Variants in DYM observed in about 807,000 individuals in gnomAD.
DYM encodes the protein dyggve-Melchior-Clausen syndrome protein.
DYM carries 78 observed loss-of-function variants against 93.1 expected under a neutral mutation model. The ratio of observed to expected loss-of-function variants is 0.84; its 90% CI spans 0.70 to 1.01. The LOEUF (loss-of-function observed/expected upper bound fraction) is 1.01, where lower values mean the gene tolerates loss of function less well. Ranked by LOEUF, DYM falls within the 50% of genes least tolerant of loss-of-function variation. The pLI, the probability that DYM is intolerant of heterozygous loss-of-function variation, is 0.00. For missense variants in DYM, 789 were observed against 845.0 expected (o/e 0.93, Z 0.82); for synonymous variants, 321 against 319.7 (o/e 1.00, Z -0.04).
chr18:49,254,799 T>C (rs1168523795), intron 13 of DYM, among the ~76,000 whole-genome samples: 11 of 152,188 alleles, frequency 7.2e-5, no homozygotes. Context: ...CATGAAACCA[T>C]TATAAAACTG....
intron 16 of DYM, among the ~76,000 whole-genome samples, chr18:49,098,623 TTCTTTC>T (rs1285470689): frequency 6.6e-6 from 1 of 152,204 alleles, no homozygotes; most frequent in Non-Finnish European, 1.5e-5. Flanking sequence ...GATAAACCAT[TTCTTTC>T]TCAAGCAGTT....
At chr18:49,123,599 G>A (rs1347891700) in intron 15 of DYM, among the ~76,000 whole-genome samples, 1 of 152,200 alleles carries the variant, frequency 6.6e-6, no homozygotes, top group Admixed American at 6.5e-5. Flanking sequence ...CAGCTCAGCA[G>A]GCTCACTGTT....
intron 8 of DYM, among the ~76,000 whole-genome samples, chr18:49,307,688 T>C (rs947558597): frequency 6.6e-6 from 1 of 152,228 alleles, no homozygotes; most frequent in Non-Finnish European, 1.5e-5. Flanking sequence ...CTGTCCTTCA[T>C]GTCCTTTCTT....
In DYM at chr18:49,155,342, T is replaced by C. The variant is rs969887007; in HGVS notation, c.1728+8343A>G. Reference sequence around the variant, plus strand: ...CACACCCAACAAATAGCTCTCTTTTTCCCCCCGTGCTCAAAGCACTACTTT... The same window carrying C: ...CACACCCAACAAATAGCTCTCTTTTCCCCCCCGTGCTCAAAGCACTACTTT... On this transcript the variant is annotated intron_variant, in intron 15 of 17. Coordinates refer to ENST00000675505, the MANE Select transcript of DYM (RefSeq NM_001353214.3). 8.5e-5 allele frequency among the ~76,000 whole-genome samples: 13 copies of C among 152,248 alleles called. No individual in the cohort carries two copies. In the East Asian group the frequency reaches 1.2e-3, roughly 14 times the overall value.
chr18:49,399,089 G>T (rs2070463526), intron 2 of DYM, among the ~76,000 whole-genome samples: 1 of 152,162 alleles, frequency 6.6e-6, no homozygotes, highest in South Asian at 2.1e-4. Flanking sequence ...GGACATGCTA[G>T]GCTTCGTGAA....
chr18:49,295,954 A>C (rs2060515675), intron 8 of DYM, among the ~76,000 whole-genome samples: 1 of 151,888 alleles, frequency 6.6e-6, no homozygotes, highest in South Asian at 2.1e-4. Flanking sequence ...ACAGAGTTTC[A>C]CTCTGTTTCC....
chr18:49,211,996 T>C (rs2092808889), intron 13 of DYM, among the ~76,000 whole-genome samples: 1 of 152,162 alleles, frequency 6.6e-6, no homozygotes, highest in South Asian at 2.1e-4. Context: ...ACAGTTAACA[T>C]TAACATCAGT....
At chr18:49,063,307 CTTT>C (rs200482925) in intron 17 of DYM, among the ~76,000 whole-genome samples, 11 of 135,528 alleles carry the variant, frequency 8.1e-5, no homozygotes, top group African/African-American at 1.8e-4. Flanking sequence ...GATTTCTTTT[CTTT>C]TTTTTTTTTT....
intron 1 of DYM, among the ~76,000 whole-genome samples, chr18:49,454,144 C>T (rs2082765504): frequency 6.6e-6 from 1 of 152,130 alleles, no homozygotes; most frequent in Admixed American, 6.6e-5. Flanking sequence ...CATGATGCCC[C>T]TTTTCAGCAG....
At chr18:49,445,901 A>G (rs1459997332) in intron 1 of DYM, among the ~76,000 whole-genome samples, 2 of 152,210 alleles carry the variant, frequency 1.3e-5, no homozygotes, top group African/African-American at 2.4e-5. Flanking sequence ...CCAGCAGTGA[A>G]CAATATTTAT....
chr18:49,168,051 G>C (rs1291513302), intron 14 of DYM, among the ~76,000 whole-genome samples: 1 of 151,952 alleles, frequency 6.6e-6, no homozygotes, highest in African/African-American at 2.4e-5. Context: ...ATATGAACAA[G>C]CTGATTTTAT....
At chr18:49,070,901 A>G (rs1481657603) in intron 17 of DYM, among the ~76,000 whole-genome samples, 1 of 152,220 alleles carries the variant, frequency 6.6e-6, no homozygotes, top group South Asian at 2.1e-4. Flanking sequence ...AAGAGTCCAC[A>G]TGGTTCCTTA....
chr18:49,044,316 A>G, intron 17 of DYM, 112 bp from the exon 18 acceptor site: 1 of 1,162,326 alleles, frequency 8.6e-7, no homozygotes. Flanking sequence ...ACCCCTGCCA[A>G]CTGGTCACAG....
chr18:49,196,055 G>A (rs573049628), intron 14 of DYM, among the ~76,000 whole-genome samples: 2 of 150,908 alleles, frequency 1.3e-5, no homozygotes, highest in Admixed American at 6.6e-5. Context: ...CTCCCGAGTA[G>A]CTGGGATCAC....
At chr18:49,355,681 C>T (rs2065497039) in intron 6 of DYM, among the ~76,000 whole-genome samples, 1 of 152,054 alleles carries the variant, frequency 6.6e-6, no homozygotes, top group Non-Finnish European at 1.5e-5. Flanking sequence ...GTGGGGGTGG[C>T]TTGACATTAA....
At chr18:49,408,804 C>A (rs2071834171) in intron 2 of DYM, among the ~76,000 whole-genome samples, 1 of 151,912 alleles carries the variant, frequency 6.6e-6, no homozygotes, top group Admixed American at 6.6e-5. Flanking sequence ...CTGTCCCAGG[C>A]AATCAATTGT....
intron 16 of DYM, among the ~76,000 whole-genome samples, chr18:49,105,458 T>C (rs1425640983): frequency 1.3e-5 from 2 of 152,208 alleles, no homozygotes; most frequent in African/African-American, 4.8e-5. Context: ...AGCTTTTGAA[T>C]GTGTTTGCTC....
intron 13 of DYM, among the ~76,000 whole-genome samples, chr18:49,214,151 G>A (rs950396499): frequency 4.6e-5 from 7 of 152,114 alleles, no homozygotes; most frequent in African/African-American, 1.7e-4. Context: ...ATAGAACCAG[G>A]GTTCCCATCC....
intron 6 of DYM, among the ~76,000 whole-genome samples, chr18:49,352,983 TCCTGA>T (rs1398861310): frequency 6.6e-6 from 1 of 152,154 alleles, no homozygotes; most frequent in Admixed American, 6.5e-5. Context: ...TACTCTGTCA[TCCTGA>T]CAGATTTTTG....
Sources: gnomAD v4.1 joint callset for allele counts (sites outside exome capture counted in the v4.1 genomes callset) on GRCh38, gnomAD v4.1.1 for gene constraint, MANE v1.5 for transcripts, NCBI Gene and HGNC (gene_info 2026-07-23, HGNC 2026-07-21) for gene names.